Variants in MBD5 observed in about 807,000 individuals in gnomAD.
MBD5 encodes methyl-CpG binding domain protein 5.
In MBD5, 13 loss-of-function variants were observed where a neutral mutation model predicts 117.3. The observed-to-expected ratio is 0.11, with a 90% CI of 0.07 to 0.18. MBD5 has a LOEUF of 0.18. Ranked by LOEUF, MBD5 falls within the 10% of genes least tolerant of loss-of-function variation. MBD5 has a pLI of 1.00. For synonymous variants in MBD5, 727 were observed against 766.4 expected, an observed-to-expected ratio of 0.95 and a Z score of 0.85; for missense variants, 1,879 against 2,093.8, an observed-to-expected ratio of 0.90 and a Z score of 2.00.
chr2:148,430,905 T>C (rs79813931), intron 4 of MBD5, among the ~76,000 whole-genome samples: 7,398 of 152,240 alleles, frequency 0.049, 548 homozygotes, highest in African/African-American at 0.17. Context: ...TTGAAAAGAT[T>C]TGTTTAAACA....
Position 148,513,133 on chromosome 2 carries a change from G to A in MBD5, c.*192G>A, listed in dbSNP as rs1284342670. 3 of 600,516 alleles carry A rather than the reference G, an allele frequency of 5.0e-6. No homozygotes were observed. In the African/African-American group the frequency reaches 5.6e-5, roughly 11 times the overall value. The allele number at this position is 600,516 out of a possible 1,614,324, so 37.2% of individuals were successfully genotyped here. A position where few individuals can be genotyped will look rare whatever the true frequency, so the allele number is the denominator to read the frequency against. ...AGGAAGGATAATGAATGCTGGAAAA[G>A]CCAATCAAAGTCTCTGTGTGATGAG... On this transcript the variant is annotated 3_prime_UTR_variant, in exon 14 of 14. Coordinates refer to ENST00000642680, the MANE Select transcript of MBD5 (RefSeq NM_001378120.1).
intron 1 of MBD5, chr2:148,044,683 G>T (rs1476864630): frequency 6.6e-6 from 1 of 152,070 alleles, no homozygotes; most frequent in African/African-American, 2.4e-5. Context: ...AAAAGTGCCT[G>T]TTAATGTTTA....
intron 11 of MBD5, among the ~76,000 whole-genome samples, chr2:148,498,323 T>C (rs1651753070): frequency 6.6e-6 from 1 of 152,218 alleles, no homozygotes; most frequent in Non-Finnish European, 1.5e-5. Context: ...CCAGCTCTAT[T>C]TAAAAGTGAT....
intron 4 of MBD5, among the ~76,000 whole-genome samples, chr2:148,353,148 A>G (rs4972358): frequency 0.72 from 110,134 of 151,940 alleles, 40,730 homozygotes; most frequent in African/African-American, 0.89. Flanking sequence ...TTTTGTGTAC[A>G]TTAAAGGTTC....
At chr2:148,317,188 A>G (rs1702175431) in intron 3 of MBD5, among the ~76,000 whole-genome samples, 1 of 152,124 alleles carries the variant, frequency 6.6e-6, no homozygotes, top group African/African-American at 2.4e-5. Flanking sequence ...GTCTCTACTA[A>G]AAAATGAATA....
chr2:148,202,121 A>G (rs1699160305), intron 2 of MBD5, among the ~76,000 whole-genome samples: 1 of 152,220 alleles, frequency 6.6e-6, no homozygotes, highest in African/African-American at 2.4e-5. Context: ...GCTGGCATAA[A>G]CAGTGAAGGA....
intron 13 of MBD5, among the ~76,000 whole-genome samples, chr2:148,511,670 T>C (rs769908392): frequency 2.0e-5 from 3 of 152,242 alleles, no homozygotes; most frequent in Non-Finnish European, 4.4e-5. Context: ...GTCCACAGAT[T>C]ACTAGTTTGC....
intron 1 of MBD5, among the ~76,000 whole-genome samples, chr2:148,094,988 G>A (rs1018648070): frequency 3.9e-5 from 6 of 152,068 alleles, no homozygotes; most frequent in Admixed American, 6.6e-5. Flanking sequence ...TAACTCCAGC[G>A]TATAAAAGGC....
chr2:148,226,713 G>C (rs1367001996), intron 2 of MBD5, among the ~76,000 whole-genome samples: 4 of 152,168 alleles, frequency 2.6e-5, no homozygotes, highest in Non-Finnish European at 5.9e-5. Flanking sequence ...GGTTGAACTA[G>C]TTTACAGTCC....
chr2:148,150,738 T>G (rs1232998512), intron 1 of MBD5, among the ~76,000 whole-genome samples: 3 of 152,136 alleles, frequency 2.0e-5, no homozygotes, highest in African/African-American at 4.8e-5. Flanking sequence ...TTTGGCTCTC[T>G]GTTTGTCTGT....
intron 1 of MBD5, among the ~76,000 whole-genome samples, chr2:148,116,335 G>T (rs1423586186): frequency 6.6e-6 from 1 of 152,024 alleles, no homozygotes; most frequent in African/African-American, 2.4e-5. Context: ...GTAGTGCAGG[G>T]GATTGTCCCT....
At chr2:148,470,820 C>T (rs1680772761) in intron 8 of MBD5, 2 of 248,934 alleles carry the variant, frequency 8.0e-6, no homozygotes, top group African/African-American at 2.2e-5. Context: ...AATATAAAAG[C>T]CATCTCCCTA....
chr2:148,108,472 C>G (rs552887948), intron 1 of MBD5, among the ~76,000 whole-genome samples: 1 of 151,866 alleles, frequency 6.6e-6, no homozygotes, highest in Admixed American at 6.6e-5. Context: ...CACTAAGTAG[C>G]CTTTTGTGGT....
chr2:148,460,006 A>T (rs528412924), intron 5 of MBD5, among the ~76,000 whole-genome samples: 1 of 152,304 alleles, frequency 6.6e-6, no homozygotes, highest in East Asian at 1.9e-4. Context: ...ACAAGCACAC[A>T]TGAGATAACT....
intron 3 of MBD5, among the ~76,000 whole-genome samples, chr2:148,299,662 T>G (rs1042803316): frequency 1.3e-5 from 2 of 152,242 alleles, no homozygotes; most frequent in African/African-American, 4.8e-5. Flanking sequence ...GTGTTTTGTT[T>G]TGTTTTAATA....
At chr2:148,108,724 A>G (rs1047427239) in intron 1 of MBD5, among the ~76,000 whole-genome samples, 8 of 151,936 alleles carry the variant, frequency 5.3e-5, no homozygotes, top group African/African-American at 1.7e-4. Flanking sequence ...TGTTTGTTTT[A>G]CTCTATCTGG....
intron 1 of MBD5, among the ~76,000 whole-genome samples, chr2:148,037,303 A>G (rs924652204): frequency 6.6e-6 from 1 of 151,934 alleles, no homozygotes; most frequent in African/African-American, 2.4e-5. Context: ...GTTATAAACA[A>G]GTTCTACAAA....
intron 3 of MBD5, among the ~76,000 whole-genome samples, chr2:148,277,486 T>C (rs1701143102): frequency 6.6e-6 from 1 of 152,168 alleles, no homozygotes; most frequent in Non-Finnish European, 1.5e-5. Flanking sequence ...AAAGTTGTTT[T>C]TAATATTCTG....
intron 4 of MBD5, among the ~76,000 whole-genome samples, chr2:148,383,572 T>C (rs1704230570): frequency 6.7e-6 from 1 of 150,324 alleles, no homozygotes; most frequent in East Asian, 2.0e-4. Context: ...TTCCAATAAA[T>C]AGAAAAAAAG....
Sources: allele counts gnomAD v4.1 joint callset (sites outside exome capture counted in the v4.1 genomes callset), GRCh38; gene constraint gnomAD v4.1.1; transcripts MANE v1.5; gene names NCBI Gene and HGNC (gene_info 2026-07-23, HGNC 2026-07-21).